PPP6R3: variants seen among roughly 807,000 people sequenced by gnomAD.
PPP6R3 encodes protein phosphatase 6 regulatory subunit 3.
Under a neutral mutation model 110.7 loss-of-function variants are expected in PPP6R3, and 38 were observed. That is an observed-to-expected ratio of 0.34 (90% CI 0.26 to 0.45). PPP6R3 has a LOEUF of 0.45. Ranked by LOEUF, PPP6R3 falls within the 20% of genes least tolerant of loss-of-function variation. PPP6R3 has a pLI of 1.00. For missense variants in PPP6R3, 870 were observed against 1,062.4 expected (o/e 0.82, Z 2.52); for synonymous variants, 369 against 373.5 (o/e 0.99, Z 0.14).
chr11:68,470,057 T>C (rs895487217), intron 1 of PPP6R3, among the ~76,000 whole-genome samples: 3 of 152,250 alleles, frequency 2.0e-5, no homozygotes, highest in Admixed American at 6.5e-5. Flanking sequence ...TTTGAGTACT[T>C]ACCATGTCTT....
chr11:68,524,263 A>G (rs1440411582), intron 2 of PPP6R3, among the ~76,000 whole-genome samples: 1 of 152,182 alleles, frequency 6.6e-6, no homozygotes, highest in Non-Finnish European at 1.5e-5. Context: ...ATCCTTGGGT[A>G]CAGTACAAGA....
At chr11:68,525,596 T>G (rs1401451506) in intron 2 of PPP6R3, among the ~76,000 whole-genome samples, 2 of 152,198 alleles carry the variant, frequency 1.3e-5, no homozygotes, top group African/African-American at 2.4e-5. Context: ...TACAGTCTGA[T>G]CAAAGTTTGC....
intron 12 of PPP6R3, among the ~76,000 whole-genome samples, chr11:68,573,368 C>G (rs2099517962): frequency 1.3e-5 from 2 of 151,660 alleles, no homozygotes; most frequent in Admixed American, 6.6e-5. Context: ...CCAGGATGGT[C>G]TCAAACTCCT....
chr11:68,561,250 T>A, intron 8 of PPP6R3, among the ~76,000 whole-genome samples: 1 of 152,190 alleles, frequency 6.6e-6, no homozygotes, highest in African/African-American at 2.4e-5. Flanking sequence ...AATAGTATTA[T>A]TTTTTGTTTG....
chr11:68,532,701 T>C (rs1038297376), intron 2 of PPP6R3, among the ~76,000 whole-genome samples: 2 of 152,210 alleles, frequency 1.3e-5, no homozygotes, highest in Non-Finnish European at 2.9e-5. Context: ...GGGGATTCTT[T>C]AAGGTGATTT....
intron 3 of PPP6R3, among the ~76,000 whole-genome samples, chr11:68,542,659 G>A (rs974831263): frequency 6.6e-6 from 1 of 152,092 alleles, no homozygotes; most frequent in Non-Finnish European, 1.5e-5. Context: ...CTCCCAAAGT[G>A]CTGGGACTAT....
chr11:68,486,632 C>G (rs987934109), intron 1 of PPP6R3, among the ~76,000 whole-genome samples: 1 of 150,592 alleles, frequency 6.6e-6, no homozygotes, highest in African/African-American at 2.4e-5. Flanking sequence ...AAAAAAATTC[C>G]GTCTGCTGCT....
intron 4 of PPP6R3, among the ~76,000 whole-genome samples, chr11:68,545,966 C>T (rs2099347596): frequency 6.6e-6 from 1 of 152,232 alleles, no homozygotes; most frequent in African/African-American, 2.4e-5. Context: ...TTGGTCCTGC[C>T]ATCCTTCATG....
Position 68,511,463 on chromosome 11 carries a change from A to AGAGTGTGTGTGTGTGTGTGT in PPP6R3, c.-157-8037_-157-8036insAGTGTGTGTGTGTGTGTGTG, listed in dbSNP as rs1555082964. ...CTCTGGAAATGTGTTACTGTGTTAG[A>AGAGTGTGTGTGTGTGTGTGT]GTGTGTGTGTGTGTGTGTGTGTGTG... On this transcript the variant is annotated intron_variant, in intron 1 of 23. Transcript: ENST00000393800. Among the ~76,000 whole-genome samples, 1,021 of 138,578 alleles carry AGAGTGTGTGTGTGTGTGTGT rather than the reference A, an allele frequency of 7.4e-3. 8 individuals are homozygous for AGAGTGTGTGTGTGTGTGTGT. Among genetic ancestry groups the AGAGTGTGTGTGTGTGTGTGT allele is most frequent in the Middle Eastern group, 0.012 (3 of 256 alleles). The allele number at this position is 138,578 out of a possible 152,430, so 90.9% of individuals were successfully genotyped here. A position where few individuals can be genotyped will look rare whatever the true frequency, so the allele number is the denominator to read the frequency against.
intron 2 of PPP6R3, among the ~76,000 whole-genome samples, chr11:68,520,033 C>T (rs2099156309): frequency 1.3e-5 from 2 of 152,194 alleles, no homozygotes; most frequent in Non-Finnish European, 2.9e-5. Context: ...AGCGAAAGGA[C>T]GTTTGACTTC....
intron 1 of PPP6R3, among the ~76,000 whole-genome samples, chr11:68,469,687 G>GT (rs1431527143): frequency 3.3e-5 from 5 of 151,990 alleles, no homozygotes; most frequent in African/African-American, 7.2e-5. Flanking sequence ...CCTCTAATCT[G>GT]TTTTTTTATT....
chr11:68,580,096 G>C (rs1236354271), intron 14 of PPP6R3, among the ~76,000 whole-genome samples: 1 of 152,182 alleles, frequency 6.6e-6, no homozygotes, highest in Non-Finnish European at 1.5e-5. Flanking sequence ...TCACTGGGAA[G>C]GTGCATTTGT....
chr11:68,502,486 G>C (rs536512462), intron 1 of PPP6R3, among the ~76,000 whole-genome samples: 7 of 152,194 alleles, frequency 4.6e-5, no homozygotes, highest in Non-Finnish European at 1.0e-4. Context: ...CAAGTAAACA[G>C]TGGGTTGGAG....
At chr11:68,530,665 C>G (rs1037653458) in intron 2 of PPP6R3, among the ~76,000 whole-genome samples, 1 of 152,174 alleles carries the variant, frequency 6.6e-6, no homozygotes, top group African/African-American at 2.4e-5. Flanking sequence ...TGTGCAGTCT[C>G]GCATGCTCAG....
chr11:68,534,893 G>A (rs2099261561), intron 2 of PPP6R3, among the ~76,000 whole-genome samples: 1 of 152,170 alleles, frequency 6.6e-6, no homozygotes, highest in African/African-American at 2.4e-5. Flanking sequence ...CTCTTCCTCT[G>A]GGGAATGAAT....
intron 1 of PPP6R3, among the ~76,000 whole-genome samples, chr11:68,511,463 A>AGAGTGTGTGTGTGT (rs1555082964): frequency 4.3e-5 from 6 of 138,604 alleles, no homozygotes; most frequent in Middle Eastern, 3.9e-3. Context: ...ACTGTGTTAG[A>AGAGTGTGTGTGTGT]GTGTGTGTGT....
Position 68,596,154 on chromosome 11 carries a change from G to A in PPP6R3, c.1974G>A (p.Lys658=). 6.2e-7 allele frequency: 1 copy of A among 1,614,220 alleles called. No homozygotes were observed. Among genetic ancestry groups the A allele is most frequent in the South Asian group, 1.1e-5 (1 of 91,090 alleles). ...ACTCTGAAGAAGAAGATGGAGCAAA[G>A]CAAGACTTGTTTGAACCCAGCAGTG... ...STDSEEEDGA[K]QDLFEPSSAN... Residue 658 remains lysine, a synonymous_variant, in exon 19 of 24, where the codon AAG becomes AAA. Transcript: ENST00000393800.
At chr11:68,507,533 T>C (rs566117486) in intron 1 of PPP6R3, among the ~76,000 whole-genome samples, 21 of 152,354 alleles carry the variant, frequency 1.4e-4, no homozygotes, top group African/African-American at 4.6e-4. Context: ...TACGGTGTGC[T>C]AGGCATTGAA....
intron 22 of PPP6R3, among the ~76,000 whole-genome samples, chr11:68,607,165 C>G (rs952047473): frequency 6.6e-6 from 1 of 152,092 alleles, no homozygotes; most frequent in African/African-American, 2.4e-5. Context: ...ACTTAATACT[C>G]TAAAATTTAT....
Sources: gnomAD v4.1 joint callset for allele counts (sites outside exome capture counted in the v4.1 genomes callset) on GRCh38, gnomAD v4.1.1 for gene constraint, MANE v1.5 for transcripts, NCBI Gene and HGNC (gene_info 2026-07-23, HGNC 2026-07-21) for gene names.